LUZP2: variants seen among roughly 807,000 people sequenced by gnomAD.
LUZP2 encodes leucine zipper protein 2.
In LUZP2, 52 loss-of-function variants were observed where a neutral mutation model predicts 51.6. The observed-to-expected ratio is 1.01, with a 90% CI of 0.81 to 1.27. The LOEUF (loss-of-function observed/expected upper bound fraction) is 1.27, where lower values mean the gene tolerates loss of function less well. Among genes scored for constraint, LUZP2 ranks in the 50% most tolerant of loss-of-function variants. The probability of loss-of-function intolerance (pLI) is 0.00; values close to 1 mark genes in which losing one functional copy is unlikely to be tolerated. For missense variants in LUZP2, 436 were observed against 395.4 expected, an observed-to-expected ratio of 1.10 and a Z score of -0.87; for synonymous variants, 154 against 137.3, an observed-to-expected ratio of 1.12 and a Z score of -0.85.
At chr11:24,876,240 T>G (rs1347631780) in intron 5 of LUZP2, among the ~76,000 whole-genome samples, 3 of 148,164 alleles carry the variant, frequency 2.0e-5, no homozygotes, top group African/African-American at 5.0e-5. Flanking sequence ...GGTCTAACAT[T>G]TAAGTCTTTA....
intron 5 of LUZP2, among the ~76,000 whole-genome samples, chr11:24,895,337 AAAAC>A (rs1157494906): frequency 2.0e-5 from 3 of 152,218 alleles, no homozygotes; most frequent in Admixed American, 2.0e-4. Flanking sequence ...AACTGCAAGA[AAAAC>A]AAACAGAACT....
At chr11:24,617,389 A>G (rs933741017) in intron 1 of LUZP2, among the ~76,000 whole-genome samples, 1 of 152,188 alleles carries the variant, frequency 6.6e-6, no homozygotes. Flanking sequence ...TTATTCATTG[A>G]AGCATTTTAG....
intron 1 of LUZP2, among the ~76,000 whole-genome samples, chr11:24,525,683 C>A (rs956793753): frequency 6.6e-6 from 1 of 151,280 alleles, no homozygotes; most frequent in Non-Finnish European, 1.5e-5. Context: ...AGATTTTCAT[C>A]TGCAAATTCT....
At chr11:24,556,914 T>A (rs1242827546) in intron 1 of LUZP2, among the ~76,000 whole-genome samples, 1 of 152,166 alleles carries the variant, frequency 6.6e-6, no homozygotes, top group Non-Finnish European at 1.5e-5. Flanking sequence ...TCTTCCACGA[T>A]CATTTTGGCC....
intron 4 of LUZP2, among the ~76,000 whole-genome samples, chr11:24,756,108 A>C (rs1859764093): frequency 6.6e-6 from 1 of 152,134 alleles, no homozygotes; most frequent in African/African-American, 2.4e-5. Context: ...GCTGGCTTCA[A>C]CTGTAGGCAA....
At chr11:24,963,505 A>G (rs1855484295) in intron 7 of LUZP2, among the ~76,000 whole-genome samples, 3 of 152,272 alleles carry the variant, frequency 2.0e-5, no homozygotes, top group African/African-American at 4.8e-5. Context: ...GCTGCCTTGC[A>G]GTTTAATCTC....
At chr11:24,573,346 C>T (rs1303790652) in intron 1 of LUZP2, among the ~76,000 whole-genome samples, 1 of 151,932 alleles carries the variant, frequency 6.6e-6, no homozygotes, top group African/African-American at 2.4e-5. Flanking sequence ...ATTTTCATTC[C>T]AGCTTTGCAA....
At chr11:24,639,830 T>A (rs1456112551) in intron 1 of LUZP2, among the ~76,000 whole-genome samples, 1 of 151,926 alleles carries the variant, frequency 6.6e-6, no homozygotes, top group Non-Finnish European at 1.5e-5. Context: ...TCTCTCTCAC[T>A]GCAGTTCCAC....
intron 4 of LUZP2, among the ~76,000 whole-genome samples, chr11:24,745,051 T>C (rs1357850928): frequency 6.6e-6 from 1 of 152,170 alleles, no homozygotes; most frequent in Non-Finnish European, 1.5e-5. Context: ...TTCCAGTTTT[T>C]TTCCACTGTG....
chr11:24,557,928 C>G (rs926655612), intron 1 of LUZP2, among the ~76,000 whole-genome samples: 3 of 152,064 alleles, frequency 2.0e-5, no homozygotes, highest in Non-Finnish European at 2.9e-5. Flanking sequence ...GCATTTCATT[C>G]AAATAATAAA....
chr11:24,624,194 G>C (rs1590257867), intron 1 of LUZP2, among the ~76,000 whole-genome samples: 1 of 152,128 alleles, frequency 6.6e-6, no homozygotes, highest in Admixed American at 6.6e-5. Flanking sequence ...CACAATGCCA[G>C]AATTTCAGAC....
chr11:24,687,233 C>A (rs192449853), intron 1 of LUZP2, among the ~76,000 whole-genome samples: 329 of 89,944 alleles, frequency 3.7e-3, no homozygotes, highest in Non-Finnish European at 5.3e-3. Flanking sequence ...TTTTTAAATG[C>A]CCTTGTGTGA....
intron 9 of LUZP2, among the ~76,000 whole-genome samples, chr11:25,015,081 A>T (rs190143831): frequency 3.9e-5 from 6 of 152,246 alleles, no homozygotes; most frequent in Admixed American, 3.9e-4. Context: ...TGTATTTATT[A>T]TAAAATATTT....
At chr11:24,570,686 T>C (rs1413459911) in intron 1 of LUZP2, among the ~76,000 whole-genome samples, 1 of 152,092 alleles carries the variant, frequency 6.6e-6, no homozygotes, top group East Asian at 1.9e-4. Context: ...ATATGCAGCA[T>C]CCACATATTC....
At chr11:24,565,555 A>C (rs1394622881) in intron 1 of LUZP2, among the ~76,000 whole-genome samples, 1 of 152,164 alleles carries the variant, frequency 6.6e-6, no homozygotes, top group African/African-American at 2.4e-5. Context: ...AAAATAAAGG[A>C]AATAGAAAGC....
At chr11:24,543,527 T>G (rs1421704152) in intron 1 of LUZP2, among the ~76,000 whole-genome samples, 1 of 152,000 alleles carries the variant, frequency 6.6e-6, no homozygotes, top group Non-Finnish European at 1.5e-5. Flanking sequence ...ATACAGTTTG[T>G]ATTGCTATGA....
intron 5 of LUZP2, among the ~76,000 whole-genome samples, chr11:24,773,308 A>G (rs900008399): frequency 6.6e-6 from 1 of 152,362 alleles, no homozygotes; most frequent in South Asian, 2.1e-4. Context: ...TAACCATGAG[A>G]AATGTAAAGA....
chr11:24,622,638 A>G (rs1051936173), intron 1 of LUZP2, among the ~76,000 whole-genome samples: 1 of 152,172 alleles, frequency 6.6e-6, no homozygotes, highest in Non-Finnish European at 1.5e-5. Flanking sequence ...TTCAAATCTG[A>G]CTAAAGTGCT....
chr11:25,065,176 G>T (rs1000056598), intron 10 of LUZP2, among the ~76,000 whole-genome samples: 1 of 151,984 alleles, frequency 6.6e-6, no homozygotes, highest in Non-Finnish European at 1.5e-5. Context: ...AGTCAATGAT[G>T]ATTTTGGTCA....
Sources: gnomAD v4.1 joint callset for allele counts (sites outside exome capture counted in the v4.1 genomes callset) on GRCh38, gnomAD v4.1.1 for gene constraint, MANE v1.5 for transcripts, NCBI Gene and HGNC (gene_info 2026-07-23, HGNC 2026-07-21) for gene names.